The following ABCA13 variants were observed in gnomAD, a reference collection of about 807,000 sequenced individuals.
ABCA13 encodes ATP-binding cassette sub-family A member 13.
A neutral mutation model predicts 478.7 loss-of-function variants in ABCA13; 476 were observed. That is an observed-to-expected ratio of 0.99 (90% CI 0.92 to 1.07). The LOEUF is 1.07. Among genes scored for constraint, ABCA13 ranks in the 50% least tolerant of loss-of-function variants. The pLI, the probability that ABCA13 is intolerant of heterozygous loss-of-function variation, is 0.00. For missense variants in ABCA13, 6,060 were observed against 5,910.6 expected (o/e 1.03, Z -0.83); for synonymous variants, 2,252 against 2,158.9 (o/e 1.04, Z -1.20).
chr7:48,242,386 A>G (rs1257412774), intron 10 of ABCA13, among the ~76,000 whole-genome samples: 4 of 152,234 alleles, frequency 2.6e-5, no homozygotes, highest in Non-Finnish European at 5.9e-5. Flanking sequence ...AGTGCCAGGA[A>G]GATGAGGCCC....
chr7:48,516,257 C>A, intron 51 of ABCA13, among the ~76,000 whole-genome samples: 1 of 152,104 alleles, frequency 6.6e-6, no homozygotes, highest in East Asian at 1.9e-4. Context: ...CAGAAATAAA[C>A]AATTCATCAG....
At chr7:48,630,193 G>T (rs1171702631) in intron 59 of ABCA13, among the ~76,000 whole-genome samples, 1 of 151,772 alleles carries the variant, frequency 6.6e-6, no homozygotes, top group Non-Finnish European at 1.5e-5. Flanking sequence ...AGGGGTATAG[G>T]TGTGGATTTC....
At chr7:48,214,979 A>T (rs150397926) in intron 3 of ABCA13, among the ~76,000 whole-genome samples, 6 of 152,210 alleles carry the variant, frequency 3.9e-5, no homozygotes, top group Non-Finnish European at 4.4e-5. Context: ...CTTTCAGCCC[A>T]TCTCAGCTTT....
chr7:48,312,786 T>A (rs907375539), intron 24 of ABCA13, among the ~76,000 whole-genome samples: 11 of 152,258 alleles, frequency 7.2e-5, no homozygotes, highest in African/African-American at 2.2e-4. Context: ...ACCTCAAAGA[T>A]ACAAAGAAAT....
intron 55 of ABCA13, among the ~76,000 whole-genome samples, chr7:48,555,985 A>G (rs1785784248): frequency 6.6e-6 from 1 of 151,582 alleles, no homozygotes; most frequent in Non-Finnish European, 1.5e-5. Flanking sequence ...GCTGTATTTC[A>G]TAGATTTTGG....
chr7:48,395,856 AG>A (rs1289254024), intron 38 of ABCA13, among the ~76,000 whole-genome samples: 1 of 152,210 alleles, frequency 6.6e-6, no homozygotes, highest in Admixed American at 6.5e-5. Flanking sequence ...GAATATTAGT[AG>A]GTAAGCTTTT....
chr7:48,276,235 T>C lies in ABCA13; in HGVS notation c.6569T>C (p.Leu2190Pro). The C allele has an allele frequency of 6.3e-7, 1 of 1,576,154 alleles. No individual in the cohort carries two copies. The highest frequency in any genetic ancestry group is 8.6e-7 in the Non-Finnish European group (1 of 1,159,694). ...NFDVAFLTHL[L>P]NQEQLTNFSV... ...GATGTTGCCTTTCTTACCCATCTGC[T>C]AAATCAAGAACAGCTGACTAATTTC... Residue 2190 changes from leucine to proline, a missense_variant, in exon 17 of 62, where the codon CTA (leucine) becomes CCA (proline). This residue lies in a region of ABCA13 where 4,423 missense variants were observed against 4,309.1 expected (regional missense o/e 1.03). Coordinates refer to ENST00000435803, the MANE Select transcript of ABCA13 (RefSeq NM_152701.5).
chr7:48,275,204 C>G lies in ABCA13; in HGVS notation c.5538C>G (p.Leu1846=), dbSNP rs777024832. The G allele has an allele frequency of 1.2e-6, 2 of 1,613,776 alleles. No homozygotes were observed. Among genetic ancestry groups the G allele is most frequent in the Non-Finnish European group, 1.7e-6 (2 of 1,179,862 alleles). The change falls in exon 17 of 62, where the codon CTC becomes CTG. Residue 1846 remains leucine (L), a synonymous_variant. Transcript: ENST00000435803. ...TAGACCCCTGCAATGTCCATGGGCT[C>G]ATGTCTTCTTCCTTTTATGGCAAAG... ...SKIDPCNVHG[L]MSSSFYGKVA...
intron 3 of ABCA13, among the ~76,000 whole-genome samples, chr7:48,204,111 CT>C (rs34262924): frequency 0.21 from 28,523 of 137,672 alleles, 3,053 homozygotes; most frequent in Middle Eastern, 0.24. Flanking sequence ...TCTTGACACT[CT>C]TTTTTTTTTT....
intron 31 of ABCA13, among the ~76,000 whole-genome samples, chr7:48,355,258 G>A (rs1809707250): frequency 6.6e-6 from 1 of 151,956 alleles, no homozygotes; most frequent in Non-Finnish European, 1.5e-5. Flanking sequence ...TATCAGGAAG[G>A]TAGCATTTTA....
chr7:48,413,502 G>A (rs543794230), intron 41 of ABCA13, among the ~76,000 whole-genome samples: 1 of 152,258 alleles, frequency 6.6e-6, no homozygotes, highest in South Asian at 2.1e-4. Context: ...TCTTGAGGTT[G>A]GCTCTCTGTG....
At chr7:48,350,857 C>A in intron 30 of ABCA13, 38 bp downstream of exon 30, 1 of 1,584,272 alleles carries the variant, frequency 6.3e-7, no homozygotes, top group African/African-American at 1.3e-5. Context: ...GCCAAGATGC[C>A]AACTCCTGTA....
chr7:48,440,555 A>G (rs756166390), intron 42 of ABCA13, among the ~76,000 whole-genome samples: 6 of 152,168 alleles, frequency 3.9e-5, no homozygotes, highest in Non-Finnish European at 8.8e-5. Flanking sequence ...CATTTTGCCT[A>G]AAGGTTTAAT....
intron 55 of ABCA13, among the ~76,000 whole-genome samples, chr7:48,529,654 T>G (rs1045976462): frequency 1.3e-5 from 2 of 152,192 alleles, no homozygotes; most frequent in Admixed American, 6.5e-5. Flanking sequence ...GTTTTGTGGA[T>G]GTAGAGAAAG....
intron 42 of ABCA13, among the ~76,000 whole-genome samples, chr7:48,433,181 A>G (rs1241510625): frequency 2.0e-5 from 3 of 151,950 alleles, no homozygotes; most frequent in African/African-American, 7.2e-5. Context: ...CATGTAAAAT[A>G]TCTTTGGAAG....
intron 34 of ABCA13, among the ~76,000 whole-genome samples, chr7:48,375,338 G>A (rs1024222792): frequency 1.1e-4 from 16 of 152,110 alleles, no homozygotes; most frequent in African/African-American, 3.6e-4. Context: ...ATGTTTTCTA[G>A]TTCTTCCTTT....
intron 23 of ABCA13, among the ~76,000 whole-genome samples, chr7:48,300,960 A>C (rs562112659): frequency 2.6e-5 from 4 of 152,266 alleles, no homozygotes; most frequent in African/African-American, 9.6e-5. Flanking sequence ...GTTGGGCCAA[A>C]TTTTTATTCT....
chr7:48,477,569 A>G (rs987648068), intron 45 of ABCA13, among the ~76,000 whole-genome samples: 9 of 152,066 alleles, frequency 5.9e-5, no homozygotes, highest in African/African-American at 1.4e-4. Flanking sequence ...CATAAAAAAT[A>G]ATGAGTTCAT....
Position 48,275,769 on chromosome 7 carries a change from A to G in ABCA13, c.6103A>G (p.Thr2035Ala). The change falls in exon 17 of 62, where the codon ACA becomes GCA. Residue 2035 changes from threonine (T) to alanine (A), a missense_variant. Transcript: ENST00000435803. ...CATGATGCTCCAGAATGCAAATGTCACAGGTAGCAGTTTAGAAGCATTATC... is the reference window on the plus strand; with the variant it reads ...CATGATGCTCCAGAATGCAAATGTCGCAGGTAGCAGTTTAGAAGCATTATC... ...LFMMLQNANV[T>A]GSSLEALSSF... 1 of 1,611,256 alleles carries G rather than the reference A, an allele frequency of 6.2e-7. No individual in the cohort carries two copies. Among genetic ancestry groups the G allele is most frequent in the Non-Finnish European group, 8.5e-7 (1 of 1,178,446 alleles).
Sources: allele counts gnomAD v4.1 joint callset (sites outside exome capture counted in the v4.1 genomes callset), GRCh38; gene constraint gnomAD v4.1.1; regional missense constraint gnomAD v4.1.1; transcripts MANE v1.5; gene names NCBI Gene and HGNC (gene_info 2026-07-23, HGNC 2026-07-21).